ZNF354B: variants seen among roughly 807,000 people sequenced by gnomAD.
ZNF354B encodes zinc finger protein 354B.
Under a neutral mutation model 12.9 loss-of-function variants are expected in ZNF354B, and 10 were observed. The observed-to-expected ratio is 0.77, with a 90% CI of 0.48 to 1.31. The LOEUF (loss-of-function observed/expected upper bound fraction) is 1.31. ZNF354B is among the 40% of genes most tolerant of loss of function. ZNF354B has a pLI of 0.00. For missense variants in ZNF354B, 614 were observed against 711.7 expected (o/e 0.86, Z 1.56); for synonymous variants, 260 against 243.7 (o/e 1.07, Z -0.62).
At chr5:178,872,120 C>T (rs928143048) in intron 4 of ZNF354B, among the ~76,000 whole-genome samples, 23 of 152,182 alleles carry the variant, frequency 1.5e-4, no homozygotes, top group African/African-American at 5.6e-4. Context: ...ACCTGTTTCC[C>T]TCTTGTTCAC....
chr5:178,879,460 A>G (rs951018796), intron 4 of ZNF354B, among the ~76,000 whole-genome samples: 2 of 151,920 alleles, frequency 1.3e-5, no homozygotes, highest in South Asian at 2.1e-4. Flanking sequence ...GCTCACTGCA[A>G]TCAACGTTTC....
At chr5:178,870,694 C>T (rs77271139) in intron 4 of ZNF354B, among the ~76,000 whole-genome samples, 22,580 of 152,204 alleles carry the variant, frequency 0.15, 2,057 homozygotes, top group African/African-American at 0.25. Flanking sequence ...ACAGGGAGGA[C>T]TGTCTTTTCC....
chr5:178,883,855 G>T lies in ZNF354B; in HGVS notation c.1403G>T (p.Cys468Phe). Reference sequence around the variant, plus strand: ...CATACTGGAGAAAAACCATGTAAATGTAAAGTATGTGGAAAAGCCTTCAGA... The same window carrying T: ...CATACTGGAGAAAAACCATGTAAATTTAAAGTATGTGGAAAAGCCTTCAGA... ...RIHTGEKPCK[C>F]KVCGKAFRQS... The change falls in exon 5 of 5, where the codon TGT becomes TTT. Residue 468 changes from cysteine (C) to phenylalanine (F), a missense_variant. Transcript: ENST00000322434. The T allele has an allele frequency of 6.2e-7, 1 of 1,614,088 alleles. No individual in the cohort carries two copies. Among genetic ancestry groups the T allele is most frequent in the Non-Finnish European group, 8.5e-7 (1 of 1,179,984 alleles).
rs1444543530 is a variant in ZNF354B at position 178,884,780 on chromosome 5, A to G, written c.*489A>G. The G allele has an allele frequency of 6.5e-6, 1 of 152,982 alleles. No individual in the cohort carries two copies. Among genetic ancestry groups the G allele is most frequent in the East Asian group, 1.9e-4 (1 of 5,210 alleles). 9.5% of individuals were successfully genotyped at this position (152,982 alleles called of 1,614,324 possible). ...GGTTTTCCCAGGGCAAGGCTTATCCATTGCACTCCAGATGTGCTGACCCCT... is the reference window on the plus strand; with the variant it reads ...GGTTTTCCCAGGGCAAGGCTTATCCGTTGCACTCCAGATGTGCTGACCCCT... On this transcript the variant is annotated 3_prime_UTR_variant, in exon 5 of 5. Coordinates refer to ENST00000322434, the MANE Select transcript of ZNF354B (RefSeq NM_058230.3).
At position 178,883,763 on chromosome 5, in the gene ZNF354B, G is replaced by T. The variant is rs1757757113; in HGVS notation, c.1311G>T (p.Leu437Phe). 3 of 1,613,988 alleles carry T rather than the reference G, an allele frequency of 1.9e-6. No individual in the cohort carries two copies. Among genetic ancestry groups the T allele is most frequent in the Non-Finnish European group, 1.7e-6 (2 of 1,179,914 alleles). ...GAATAATTCATACTGGAGAGAAATTGTATAATTGTAATGAATGTGGTAAAG... is the reference window on the plus strand; with the variant it reads ...GAATAATTCATACTGGAGAGAAATTTTATAATTGTAATGAATGTGGTAAAG... The part of the protein sequence containing the change: ...RHRIIHTGEK[L>F]YNCNECGKAL... Residue 437 changes from leucine to phenylalanine, a missense_variant, in exon 5 of 5, where the codon TTG becomes TTT. Leu to Phe is a conservative substitution (Grantham distance 22, BLOSUM62 0). Coordinates refer to ENST00000322434, the MANE Select transcript of ZNF354B (RefSeq NM_058230.3).
chr5:178,862,144 A>T (rs1357966577), intron 2 of ZNF354B, among the ~76,000 whole-genome samples: 1 of 152,082 alleles, frequency 6.6e-6, no homozygotes, highest in Non-Finnish European at 1.5e-5. Flanking sequence ...TGAGGGCTTT[A>T]CATTTGTTCT....
intron 4 of ZNF354B, among the ~76,000 whole-genome samples, chr5:178,875,987 A>G (rs1004375117): frequency 3.3e-5 from 5 of 152,134 alleles, no homozygotes; most frequent in African/African-American, 9.7e-5. Context: ...AGAGTTGGCT[A>G]TGGGAGCTCA....
chr5:178,881,174 C>T (rs1264885461), intron 4 of ZNF354B, among the ~76,000 whole-genome samples: 1 of 152,064 alleles, frequency 6.6e-6, no homozygotes, highest in Admixed American at 6.6e-5. Context: ...TCATCTGTTC[C>T]AGTGATTATC....
chr5:178,871,063 T>A (rs985061975), intron 4 of ZNF354B, among the ~76,000 whole-genome samples: 2 of 151,932 alleles, frequency 1.3e-5, no homozygotes, highest in African/African-American at 4.8e-5. Flanking sequence ...TCTCTTCTCT[T>A]CATAACTTCC....
At chr5:178,879,731 AG>A (rs1216167611) in intron 4 of ZNF354B, among the ~76,000 whole-genome samples, 3 of 152,238 alleles carry the variant, frequency 2.0e-5, no homozygotes, top group Non-Finnish European at 4.4e-5. Flanking sequence ...GGGCTATAAA[AG>A]GAAAAAGATT....
chr5:178,884,420 C>A lies in ZNF354B; in HGVS notation c.*129C>A. Reference sequence around the variant, plus strand: ...AGAATAAACTTTAGCTATGTAATAACTTATGGGAAAAGCTTTTATACTTGT... The same window carrying A: ...AGAATAAACTTTAGCTATGTAATAAATTATGGGAAAAGCTTTTATACTTGT... On this transcript the variant is annotated 3_prime_UTR_variant, in exon 5 of 5. Coordinates refer to ENST00000322434, the MANE Select transcript of ZNF354B (RefSeq NM_058230.3). 1 of 1,017,448 alleles carries A rather than the reference C, an allele frequency of 9.8e-7. No homozygotes were observed. Among genetic ancestry groups the A allele is most frequent in the Non-Finnish European group, 1.4e-6 (1 of 721,958 alleles). The allele number at this position is 1,017,448 out of a possible 1,614,324, so 63.0% of individuals were successfully genotyped here.
At chr5:178,876,925 G>T (rs879045847) in intron 4 of ZNF354B, among the ~76,000 whole-genome samples, 1 of 127,028 alleles carries the variant, frequency 7.9e-6, no homozygotes. Flanking sequence ...ATTTTTTTAT[G>T]CCTTTTTTTT....
intron 4 of ZNF354B, among the ~76,000 whole-genome samples, chr5:178,878,177 A>C (rs920510733): frequency 1.3e-5 from 2 of 152,000 alleles, no homozygotes; most frequent in Non-Finnish European, 2.9e-5. Context: ...AGGTCAGGAG[A>C]TCGAGACCAT....
At chr5:178,876,531 G>C (rs905969488) in intron 4 of ZNF354B, among the ~76,000 whole-genome samples, 19 of 152,184 alleles carry the variant, frequency 1.2e-4, no homozygotes, top group Non-Finnish European at 1.0e-4. Flanking sequence ...ATTTCGGCCT[G>C]CTTGATGGCA....
At chr5:178,866,741 C>T (rs1186350481) in intron 3 of ZNF354B, among the ~76,000 whole-genome samples, 1 of 152,132 alleles carries the variant, frequency 6.6e-6, no homozygotes, top group African/African-American at 2.4e-5. Context: ...TGCTCCTTTG[C>T]AGCCAGATGA....
chr5:178,878,141 T>G (rs866666289), intron 4 of ZNF354B, among the ~76,000 whole-genome samples: 3 of 152,114 alleles, frequency 2.0e-5, no homozygotes, highest in Non-Finnish European at 4.4e-5. Context: ...CCCAGCACTT[T>G]GGGAGGCCGA....
intron 4 of ZNF354B, among the ~76,000 whole-genome samples, chr5:178,881,844 G>C (rs369171844): frequency 6.6e-6 from 1 of 152,104 alleles, no homozygotes; most frequent in African/African-American, 2.4e-5. Context: ...GGGTTTCACT[G>C]TGTTGGCCAG....
At chr5:178,879,072 G>A (rs548122081) in intron 4 of ZNF354B, among the ~76,000 whole-genome samples, 2 of 150,834 alleles carry the variant, frequency 1.3e-5, no homozygotes, top group South Asian at 4.2e-4. Flanking sequence ...TTTTTGAACT[G>A]GAGTCTCACT....
chr5:178,867,142 C>A, intron 4 of ZNF354B, 71 bp downstream of exon 4: 1 of 1,418,778 alleles, frequency 7.0e-7, no homozygotes, highest in Non-Finnish European at 9.9e-7. Flanking sequence ...GAGGTAGGAA[C>A]ATTGGTTGGG....
Sources: allele counts gnomAD v4.1 joint callset (sites outside exome capture counted in the v4.1 genomes callset), GRCh38; gene constraint gnomAD v4.1.1; transcripts MANE v1.5; gene names NCBI Gene and HGNC (gene_info 2026-07-23, HGNC 2026-07-21).